SLC1A5: variants seen among roughly 807,000 people sequenced by gnomAD.
SLC1A5 encodes neutral amino acid transporter B(0).
Under a neutral mutation model 34.9 loss-of-function variants are expected in SLC1A5, and 25 were observed. The observed-to-expected ratio is 0.72, with a 90% CI of 0.52 to 1.00. The LOEUF is 1.00. Among genes scored for constraint, SLC1A5 ranks in the 50% least tolerant of loss-of-function variants. The pLI is 0.00. For missense variants in SLC1A5, 637 were observed against 740.0 expected, an observed-to-expected ratio of 0.86 and a Z score of 1.61; for synonymous variants, 351 against 341.2, an observed-to-expected ratio of 1.03 and a Z score of -0.32.
intron 4 of SLC1A5, among the ~76,000 whole-genome samples, chr19:46,782,068 G>A (rs373528752): frequency 2.0e-5 from 3 of 151,842 alleles, no homozygotes; most frequent in East Asian, 3.9e-4. Context: ...TAATTTTTTC[G>A]TATTTTTAGT....
chr19:46,777,042 T>C lies in SLC1A5; in HGVS notation c.1321A>G (p.Ile441Val). 6.2e-7 allele frequency: 1 copy of C among 1,613,984 alleles called. No individual in the cohort carries two copies. Among genetic ancestry groups the C allele is most frequent in the Non-Finnish European group, 8.5e-7 (1 of 1,179,992 alleles). ...IPAGGVLTLA[I>V]ILEAVNLPVD... ...GGGAGGTTGACTGCTTCGAGGATGA[T>C]GGCCAGAGTGAGGACACCTCCAGCA... Residue 441 changes from isoleucine to valine, a missense_variant, in exon 7 of 8, where the codon ATC becomes GTC. By Grantham distance (29) the Ile-to-Val change is conservative. Transcript: ENST00000542575.
At chr19:46,777,731 T>C (rs939488572) in intron 5 of SLC1A5, among the ~76,000 whole-genome samples, 5 of 126,332 alleles carry the variant, frequency 4.0e-5, no homozygotes, top group Admixed American at 8.8e-5. Context: ...ATCCTGCCCA[T>C]ACCACCTGCC....
At chr19:46,779,501 G>A (rs937419117) in intron 4 of SLC1A5, among the ~76,000 whole-genome samples, 1 of 151,964 alleles carries the variant, frequency 6.6e-6, no homozygotes, top group Admixed American at 6.6e-5. Context: ...CTTCACATGG[G>A]AGACAGAAAG....
chr19:46,788,578 G>C lies in SLC1A5; in HGVS notation c.-613C>G, dbSNP rs911427183. On this transcript the variant is annotated 5_prime_UTR_variant, in exon 1 of 8. Coordinates refer to ENST00000542575, the MANE Select transcript of SLC1A5 (RefSeq NM_005628.3). ...TTACCAGCCAGAGAAAGCCTCCCGGGCGTGCCGCGTGGCTCTGAGCCCGTT... is the reference window on the plus strand; with the variant it reads ...TTACCAGCCAGAGAAAGCCTCCCGGCCGTGCCGCGTGGCTCTGAGCCCGTT... 8 of 152,464 alleles carry C rather than the reference G, an allele frequency of 5.2e-5. No individual in the cohort carries two copies. The highest frequency in any genetic ancestry group is 1.4e-4 in the African/African-American group (6 of 41,464). 9.4% of individuals were successfully genotyped at this position (152,464 alleles called of 1,614,324 possible).
intron 7 of SLC1A5, among the ~76,000 whole-genome samples, chr19:46,776,140 T>C (rs1248513771): frequency 1.3e-5 from 2 of 152,062 alleles, no homozygotes; most frequent in Non-Finnish European, 2.9e-5. Flanking sequence ...AGTGTCCATC[T>C]TGGTATTTTT....
Position 46,782,370 on chromosome 19 carries a change from T to TCCCC in SLC1A5, c.824+12_824+13insGGGG. On this transcript the variant is annotated intron_variant, in intron 4 of 7. Coordinates refer to ENST00000542575, the MANE Select transcript of SLC1A5 (RefSeq NM_005628.3). ...AACCCCACCCACCCCCAGCCTCCTCTCCCACCACCTACCACATGATCCAGG... is the reference window on the plus strand; with the variant it reads ...AACCCCACCCACCCCCAGCCTCCTCTCCCCCCCACCACCTACCACATGATCCAGG... 5.6e-6 allele frequency: 2 copies of TCCCC among 359,112 alleles called. No individual in the cohort carries two copies. Among genetic ancestry groups the TCCCC allele is most frequent in the South Asian group, 3.1e-5 (1 of 32,698 alleles). The allele number at this position is 359,112 out of a possible 1,614,324, so 22.2% of individuals were successfully genotyped here. A position where few individuals can be genotyped will look rare whatever the true frequency, so the allele number is the denominator to read the frequency against.
At chr19:46,784,261 C>A in intron 2 of SLC1A5, 117 bp from the exon 3 acceptor site, 1 of 854,836 alleles carries the variant, frequency 1.2e-6, no homozygotes, top group Non-Finnish European at 1.9e-6. Flanking sequence ...GATCTCATTT[C>A]ATCTGCTGGC....
Position 46,787,134 on chromosome 19 carries a change from C to T in SLC1A5, c.566+266G>A. The T allele has an allele frequency of 1.0e-6, 1 of 996,138 alleles. No individual in the cohort carries two copies. The highest frequency in any genetic ancestry group is 2.3e-5 in the South Asian group (1 of 44,352). 61.7% of individuals were successfully genotyped at this position (996,138 alleles called of 1,614,324 possible). ...TCAGTGTCTTTCTCCCCTAGGCAGA[C>T]CCTCCTATGTCTCCCCAAATCACTT... On this transcript the variant is annotated intron_variant, in intron 1 of 7. Coordinates refer to ENST00000542575, the MANE Select transcript of SLC1A5 (RefSeq NM_005628.3). The surrounding 1 kb of genome is among the most constrained non-coding windows in gnomAD (Gnocchi z 5.2).
rs1395089093 is a variant in SLC1A5 at position 46,775,559 on chromosome 19, C to T, written c.1577G>A (p.Gly526Glu). 5.6e-6 allele frequency: 9 copies of T among 1,613,918 alleles called. No homozygotes were observed. Among genetic ancestry groups the T allele is most frequent in the East Asian group, 2.2e-5 (1 of 44,888 alleles). ...EGNPLLKHYR[G>E]PAGDATVASE... is the part of the protein sequence containing the mutation. ...GGCGACCGTGGCATCCCCTGCGGGC[C>T]CCCGATAGTGTTTGAGGAGGGGGTT... The change falls in exon 8 of 8, where the codon GGG (glycine) becomes GAG (glutamate). Residue 526 changes from glycine to glutamate, a missense_variant. By Grantham distance (98) the Gly-to-Glu change is moderately conservative. Transcript: ENST00000542575.
rs112358214 is a variant in SLC1A5, at chr19:46,778,420, G to T, written c.1058+255C>A. 6.0e-3 allele frequency among the ~76,000 whole-genome samples: 912 copies of T among 152,098 alleles called. 16 individuals are homozygous for T. The highest frequency in any genetic ancestry group is 0.02 in the African/African-American group (823 of 41,452). ...TCCAGCCTGGGCAACAGAGCGAGAC[G>T]CCATTGTTTAAAACAAAAGAAAAAA... On this transcript the variant is annotated intron_variant, in intron 5 of 7. Transcript: ENST00000542575.
intron 4 of SLC1A5, 37 bp downstream of exon 4, chr19:46,782,346 A>ACCCCACCCCCC: frequency 3.5e-6 from 2 of 567,986 alleles, no homozygotes; most frequent in South Asian, 3.6e-5. Flanking sequence ...CGACCCTCCA[A>ACCCCACCCCCC]CCCCACCCAC....
intron 1 of SLC1A5, among the ~76,000 whole-genome samples, chr19:46,786,530 C>A (rs2055187557): frequency 6.6e-6 from 1 of 152,198 alleles, no homozygotes; most frequent in African/African-American, 2.4e-5. Flanking sequence ...TCTCAGCCTG[C>A]ACTGACGCCC....
rs746119129 is a variant in SLC1A5 at position 46,782,564 on chromosome 19, C to G, written c.658-15G>C. 1 of 1,613,650 alleles carries G rather than the reference C, an allele frequency of 6.2e-7. No homozygotes were observed. Among genetic ancestry groups the G allele is most frequent in the South Asian group, 1.1e-5 (1 of 91,064 alleles). ...CCCACGGGCACCTGTGGGCAAGGAA[C>G]AGATCGGGGTGGAAAGGACACTCAG... On this transcript the variant is annotated splice_polypyrimidine_tract_variant and intron_variant, in intron 3 of 7. Transcript: ENST00000542575.
At chr19:46,775,949 T>G (rs1468545759) in intron 7 of SLC1A5, among the ~76,000 whole-genome samples, 4 of 151,308 alleles carry the variant, frequency 2.6e-5, no homozygotes, top group Admixed American at 2.6e-4. Flanking sequence ...GGCATGGTAG[T>G]GCACACCTAT....
chr19:46,781,628 A>G (rs1056147666), intron 4 of SLC1A5, among the ~76,000 whole-genome samples: 9 of 152,122 alleles, frequency 5.9e-5, no homozygotes, highest in South Asian at 2.1e-4. Flanking sequence ...AAAGCCTCCC[A>G]ACATCACTTC....
chr19:46,782,684 G>A, intron 3 of SLC1A5, 135 bp from the exon 4 acceptor site: 1 of 938,906 alleles, frequency 1.1e-6, no homozygotes, highest in Non-Finnish European at 1.6e-6. Context: ...AAGGCTCCCA[G>A]TCCAGGTCCA....
At position 46,777,299 on chromosome 19, in the gene SLC1A5, C is replaced by G. The variant is rs1277328170; in HGVS notation, c.1165G>C (p.Gly389Arg). Residue 389 changes from glycine (G) to arginine (R), a missense_variant, in exon 6 of 8, where the codon GGT (glycine) becomes CGT (arginine). Gly to Arg is a moderately radical substitution (Grantham distance 125). Transcript: ENST00000542575. Reference sequence around the variant, plus strand: ...GCCACGCACTGGAAGAGCGCGGCACCGTCCATGTTGACGGTGGCGCCGATG... The same window carrying G: ...GCCACGCACTGGAAGAGCGCGGCACGGTCCATGTTGACGGTGGCGCCGATG... ...LPIGATVNMDGAALFQCVAAV... is the reference protein window; with the variant it reads ...LPIGATVNMDRAALFQCVAAV... 5.0e-6 allele frequency: 8 copies of G among 1,613,732 alleles called. No individual in the cohort carries two copies. The highest frequency in any genetic ancestry group is 6.8e-6 in the Non-Finnish European group (8 of 1,179,974).
chr19:46,776,496 C>A (rs889066616), intron 7 of SLC1A5, among the ~76,000 whole-genome samples: 5 of 152,270 alleles, frequency 3.3e-5, no homozygotes, highest in Middle Eastern at 3.4e-3. Context: ...GTGTGAGCCA[C>A]CGTGCCTGGC....
Position 46,778,680 on chromosome 19 carries a change from A to G in SLC1A5, c.1053T>C (p.Ser351=), listed in dbSNP as rs2055118737. 6.3e-7 allele frequency: 1 copy of G among 1,588,464 alleles called. No homozygotes were observed. The highest frequency in any genetic ancestry group is 8.6e-7 in the Non-Finnish European group (1 of 1,158,906). The change falls in exon 5 of 8, where the codon TCT becomes TCC. Residue 351 remains serine, a synonymous_variant. Transcript: ENST00000542575. ...AGCCCACCCCAAGGCCGTACCTGGA[A>G]GAGGTCCCAAAGGCAGTGGCCAGCG... The part of the protein sequence containing the change: ...VTPLATAFGT[S]SSSATLPLMM...
Sources: allele counts gnomAD v4.1 joint callset (sites outside exome capture counted in the v4.1 genomes callset), GRCh38; gene constraint gnomAD v4.1.1; non-coding constraint Gnocchi (gnomAD v3.1); transcripts MANE v1.5; gene names NCBI Gene and HGNC (gene_info 2026-07-23, HGNC 2026-07-21).